FERMT2: variants seen among roughly 807,000 people sequenced by gnomAD.
The protein encoded by FERMT2 is fermitin family homolog 2.
A neutral mutation model predicts 82.7 loss-of-function variants in FERMT2; 15 were observed. The observed-to-expected ratio is 0.18, with a 90% CI of 0.12 to 0.28. The LOEUF is 0.28. FERMT2 is among the 10% of genes least tolerant of loss of function. The pLI is 1.00. For missense variants in FERMT2, 645 were observed against 809.4 expected, an observed-to-expected ratio of 0.80 and a Z score of 2.46; for synonymous variants, 274 against 271.5, an observed-to-expected ratio of 1.01 and a Z score of -0.09.
At chr14:52,887,301 A>G (rs1886670063) in intron 4 of FERMT2, among the ~76,000 whole-genome samples, 1 of 151,988 alleles carries the variant, frequency 6.6e-6, no homozygotes, top group African/African-American at 2.4e-5. Flanking sequence ...CCAAGGCAGG[A>G]GGATTGCTTG....
In FERMT2 at chr14:52,859,817, AT is replaced by A. The variant is rs1411689320; in HGVS notation, c.1728-104del. 6.1e-5 allele frequency: 37 copies of A among 604,196 alleles called. No homozygotes were observed. The African/African-American group carries it at 6.2e-4, about 10-fold the overall frequency. 37.4% of individuals were successfully genotyped at this position (604,196 alleles called of 1,614,324 possible). ...TTCTCTCTAACCCTAAAAGAGTACT[AT>A]TCTTTTTTTTTTTTTTTGAGACGGA... is the stretch of plus-strand genomic sequence containing the variant. On this transcript the variant is annotated intron_variant, in intron 13 of 14. Transcript: ENST00000341590.
intron 2 of FERMT2, among the ~76,000 whole-genome samples, chr14:52,949,039 A>T (rs376336633): frequency 3.9e-5 from 6 of 152,366 alleles, no homozygotes; most frequent in African/African-American, 1.4e-4. Context: ...AAATACTGTT[A>T]ACTGCCAGTT....
chr14:52,869,923 T>C (rs556877197), intron 10 of FERMT2, among the ~76,000 whole-genome samples: 40 of 152,134 alleles, frequency 2.6e-4, no homozygotes, highest in African/African-American at 8.0e-4. Flanking sequence ...CTAATGTGTG[T>C]GCCTGTGATT....
chr14:52,904,409 C>G (rs150763510), intron 3 of FERMT2, among the ~76,000 whole-genome samples: 1,550 of 152,236 alleles, frequency 0.01, 30 homozygotes, highest in African/African-American at 0.035. Context: ...CCCAGCTACT[C>G]AAGAGGCTGA....
At chr14:52,949,036 G>A (rs1890490486) in intron 2 of FERMT2, among the ~76,000 whole-genome samples, 1 of 152,186 alleles carries the variant, frequency 6.6e-6, no homozygotes, top group African/African-American at 2.4e-5. Flanking sequence ...TAAAAATACT[G>A]TTAACTGCCA....
At chr14:52,931,983 C>T (rs1200642637) in intron 2 of FERMT2, among the ~76,000 whole-genome samples, 1 of 152,126 alleles carries the variant, frequency 6.6e-6, no homozygotes, top group East Asian at 1.9e-4. Context: ...GAGCCCAGAT[C>T]GTGCCACTGC....
At chr14:52,944,302 T>C (rs1324215753) in intron 2 of FERMT2, among the ~76,000 whole-genome samples, 1 of 152,230 alleles carries the variant, frequency 6.6e-6, no homozygotes, top group Non-Finnish European at 1.5e-5. Flanking sequence ...AAATTTCTTA[T>C]AATGTTAATG....
rs1294330496 is a variant in FERMT2 at position 52,913,943 on chromosome 14, CAG to C, written c.391+5178_391+5179del. On this transcript the variant is annotated intron_variant, in intron 3 of 14. Coordinates refer to ENST00000341590, the MANE Select transcript of FERMT2 (RefSeq NM_006832.3). ...TATAAGGAGCTCCAGATTCTTGTCT[CAG>C]AGAGTGACAAGAACCACATAGGTAG... Among the ~76,000 whole-genome samples the C allele has an allele frequency of 2.6e-5, 4 of 152,088 alleles. No homozygotes were observed. In the East Asian group the frequency reaches 7.7e-4, roughly 29 times the overall value.
At chr14:52,901,280 C>CAA (rs10638877) in intron 3 of FERMT2, among the ~76,000 whole-genome samples, 35,112 of 57,260 alleles carry the variant, frequency 0.61, 12,239 homozygotes, top group South Asian at 0.78. Flanking sequence ...GACTCTGTCT[C>CAA]AAAAAAAAAA....
At chr14:52,890,956 G>A (rs895765264) in intron 4 of FERMT2, among the ~76,000 whole-genome samples, 6 of 151,962 alleles carry the variant, frequency 3.9e-5, no homozygotes, top group African/African-American at 1.5e-4. Context: ...CACCAGTATC[G>A]GCAACCCTTC....
intron 2 of FERMT2, among the ~76,000 whole-genome samples, chr14:52,930,562 G>T (rs1889517952): frequency 6.6e-6 from 1 of 152,178 alleles, no homozygotes; most frequent in South Asian, 2.1e-4. Context: ...TTGTGAGGGA[G>T]ACAATGGCTT....
At chr14:52,880,865 G>A (rs545262869) in intron 6 of FERMT2, among the ~76,000 whole-genome samples, 171 bp downstream of exon 6, 115 of 152,066 alleles carry the variant, frequency 7.6e-4, no homozygotes, top group Non-Finnish European at 1.0e-3. Flanking sequence ...TACTAAAATA[G>A]ACTTATTTAA....
At chr14:52,860,106 C>A in intron 13 of FERMT2, 1 of 415,808 alleles carries the variant, frequency 2.4e-6, no homozygotes, top group Non-Finnish European at 4.3e-6. Context: ...CGTGAGCCAC[C>A]GTGCCTGGCC....
intron 2 of FERMT2, among the ~76,000 whole-genome samples, chr14:52,945,041 C>G (rs1024576473): frequency 8.5e-5 from 13 of 152,064 alleles, no homozygotes; most frequent in Non-Finnish European, 1.3e-4. Context: ...GCTGGGACTA[C>G]AGGTGCGTGC....
intron 2 of FERMT2, chr14:52,927,896 C>A (rs1889376007): frequency 8.5e-6 from 2 of 234,294 alleles, no homozygotes; most frequent in East Asian, 1.7e-4. Flanking sequence ...TCTAAACCAC[C>A]AGAGACCAAA....
At chr14:52,933,269 T>C (rs1477286649) in intron 2 of FERMT2, among the ~76,000 whole-genome samples, 1 of 152,220 alleles carries the variant, frequency 6.6e-6, no homozygotes, top group Non-Finnish European at 1.5e-5. Context: ...CAGCTGTTAA[T>C]TTGTTCCTTC....
At chr14:52,923,980 C>T (rs972411607) in intron 2 of FERMT2, among the ~76,000 whole-genome samples, 8 of 152,124 alleles carry the variant, frequency 5.3e-5, no homozygotes, top group African/African-American at 1.7e-4. Context: ...CTGGGCTTTT[C>T]AGTAGCATTC....
At chr14:52,932,944 T>C (rs886857980) in intron 2 of FERMT2, among the ~76,000 whole-genome samples, 7 of 152,170 alleles carry the variant, frequency 4.6e-5, no homozygotes, top group South Asian at 2.1e-4. Flanking sequence ...ACCCAACATA[T>C]ACTTTTGAAC....
At chr14:52,924,089 C>T (rs539641452) in intron 2 of FERMT2, among the ~76,000 whole-genome samples, 323 of 152,288 alleles carry the variant, frequency 2.1e-3, no homozygotes, top group Non-Finnish European at 3.9e-3. Context: ...GTGAATTCAA[C>T]AAATACCTGT....
Sources: allele counts gnomAD v4.1 joint callset (sites outside exome capture counted in the v4.1 genomes callset), GRCh38; gene constraint gnomAD v4.1.1; transcripts MANE v1.5; gene names NCBI Gene and HGNC (gene_info 2026-07-23, HGNC 2026-07-21).